KAT2B: variants seen among roughly 807,000 people sequenced by gnomAD.
KAT2B encodes the protein histone acetyltransferase KAT2B.
Under a neutral mutation model 105.9 loss-of-function variants are expected in KAT2B, and 36 were observed. The ratio of observed to expected loss-of-function variants is 0.34; its 90% CI spans 0.26 to 0.45. KAT2B has a LOEUF of 0.45. KAT2B is among the 20% of genes least tolerant of loss of function. The pLI is 1.00. For synonymous variants in KAT2B, 397 were observed against 377.9 expected (o/e 1.05, Z -0.59); for missense variants, 820 against 1,021.6 (o/e 0.80, Z 2.69).
chr3:20,126,531 C>CA (rs1699407573), intron 10 of KAT2B, among the ~76,000 whole-genome samples: 1 of 145,306 alleles, frequency 6.9e-6, no homozygotes, highest in African/African-American at 2.5e-5. Flanking sequence ...AAAAAAAAAA[C>CA]AAAAAACTAG....
At chr3:20,116,129 A>G (rs1699203280) in intron 7 of KAT2B, among the ~76,000 whole-genome samples, 3 of 151,888 alleles carry the variant, frequency 2.0e-5, no homozygotes, top group Admixed American at 1.3e-4. Context: ...TCTCTGGTCC[A>G]AAACCTGTAG....
chr3:20,143,397 G>A lies in KAT2B; in HGVS notation c.2005-2919G>A, dbSNP rs542654377. Among the ~76,000 whole-genome samples, 4 of 152,236 alleles carry A rather than the reference G, an allele frequency of 2.6e-5. No homozygotes were observed. The East Asian group carries it at 7.7e-4, about 29-fold the overall frequency. On this transcript the variant is annotated intron_variant, in intron 13 of 17. Coordinates refer to ENST00000263754, the MANE Select transcript of KAT2B (RefSeq NM_003884.5). ...TAAAAAAATAACAGATGTTGGCAAAGCTGTGGAGAAAAGGGAATGCTTATA... is the reference window on the plus strand; with the variant it reads ...TAAAAAAATAACAGATGTTGGCAAAACTGTGGAGAAAAGGGAATGCTTATA...
At chr3:20,095,169 G>T in intron 2 of KAT2B, 94 bp from the exon 3 acceptor site, 1 of 1,008,408 alleles carries the variant, frequency 9.9e-7, no homozygotes, top group Non-Finnish European at 1.5e-6. Context: ...AGGATTGATG[G>T]TAAGACTGAT....
In KAT2B at chr3:20,136,989, G is replaced by A. The variant is rs141010149; in HGVS notation, c.1797G>A (p.Lys599=). The A allele has an allele frequency of 7.3e-5, 117 of 1,611,356 alleles. No individual in the cohort carries two copies. The African/African-American group carries it at 1.4e-3, about 19-fold the overall frequency. The change falls in exon 12 of 18, where the codon AAG becomes AAA. Residue 599 remains lysine, a synonymous_variant. Transcript: ENST00000263754. ...LMNHLKEYHI[K]HDILNFLTYA... ...ATCATTTGAAAGAATATCACATAAA[G>A]CATGACATCCTGAACTTCCTCACAT...
intron 8 of KAT2B, among the ~76,000 whole-genome samples, chr3:20,120,483 C>T (rs1182801630): frequency 2.6e-5 from 4 of 152,166 alleles, no homozygotes; most frequent in Admixed American, 1.3e-4. Context: ...CTGTCTCGGC[C>T]TCCCAAAGTG....
At chr3:20,071,795 C>T (rs1317421518) in intron 1 of KAT2B, among the ~76,000 whole-genome samples, 1 of 152,196 alleles carries the variant, frequency 6.6e-6, no homozygotes, top group African/African-American at 2.4e-5. Context: ...TGGGAGCTCA[C>T]AGAAGTCTTG....
intron 9 of KAT2B, among the ~76,000 whole-genome samples, chr3:20,123,258 T>C (rs1197250769): frequency 6.6e-6 from 1 of 152,178 alleles, no homozygotes; most frequent in Non-Finnish European, 1.5e-5. Flanking sequence ...ACACATGTCA[T>C]AATACTTCAC....
intron 11 of KAT2B, among the ~76,000 whole-genome samples, chr3:20,127,891 G>C (rs1699433926): frequency 2.6e-5 from 4 of 152,210 alleles, no homozygotes; most frequent in Admixed American, 2.6e-4. Context: ...ACTCCTATGA[G>C]AGTCTAGTGC....
chr3:20,086,627 T>C (rs1698620626), intron 2 of KAT2B, among the ~76,000 whole-genome samples: 1 of 152,076 alleles, frequency 6.6e-6, no homozygotes, highest in African/African-American at 2.4e-5. Flanking sequence ...ACAAAAATGC[T>C]GTATTGGGGT....
chr3:20,042,071 C>T (rs1240569803), intron 1 of KAT2B, among the ~76,000 whole-genome samples: 1 of 152,142 alleles, frequency 6.6e-6, no homozygotes, highest in Non-Finnish European at 1.5e-5. Flanking sequence ...CTTTAATGTG[C>T]ATGGGAATCT....
chr3:20,146,231 A>G (rs1327848308), intron 13 of KAT2B, 85 bp from the exon 14 acceptor site: 4 of 769,118 alleles, frequency 5.2e-6, no homozygotes, highest in African/African-American at 3.5e-5. Flanking sequence ...CTGTTTTGTT[A>G]GGAAAACATT....
At chr3:20,062,075 T>TATAATATATATTATATATAAAAC (rs1698123978) in intron 1 of KAT2B, among the ~76,000 whole-genome samples, 1 of 100,020 alleles carries the variant, frequency 1.0e-5, no homozygotes, top group Non-Finnish European at 1.8e-5. Context: ...ATATAAAACA[T>TATAATATATATTATATATAAAAC]ATAATATATA....
At chr3:20,131,841 G>T (rs1259311496) in intron 11 of KAT2B, among the ~76,000 whole-genome samples, 1 of 152,178 alleles carries the variant, frequency 6.6e-6, no homozygotes, top group Non-Finnish European at 1.5e-5. Flanking sequence ...TGAGATTATA[G>T]GCGTGAGCCA....
At chr3:20,116,746 C>T (rs1311367627) in intron 7 of KAT2B, among the ~76,000 whole-genome samples, 2 of 152,102 alleles carry the variant, frequency 1.3e-5, no homozygotes, top group African/African-American at 2.4e-5. Context: ...TCCTTGGTAT[C>T]TAAGCCTTTT....
chr3:20,136,917 T>C (rs761822849), intron 11 of KAT2B, 25 bp from the exon 12 acceptor site: 7 of 1,296,162 alleles, frequency 5.4e-6, no homozygotes, highest in Non-Finnish European at 7.8e-6. Context: ...CTAATGTATT[T>C]GTTTGTATAC....
intron 12 of KAT2B, among the ~76,000 whole-genome samples, chr3:20,137,304 C>A (rs1699619093): frequency 1.3e-5 from 2 of 152,262 alleles, no homozygotes; most frequent in Non-Finnish European, 1.5e-5. Flanking sequence ...ATATTGCATC[C>A]TAACATTCTA....
chr3:20,109,708 G>A (rs989786822), intron 5 of KAT2B, among the ~76,000 whole-genome samples: 19 of 152,062 alleles, frequency 1.2e-4, no homozygotes, highest in Non-Finnish European at 1.9e-4. Context: ...TCTATATGAA[G>A]CACCTTATGA....
intron 5 of KAT2B, 70 bp downstream of exon 5, chr3:20,101,538 C>T (rs1698910788): frequency 8.0e-7 from 1 of 1,251,624 alleles, no homozygotes; most frequent in Admixed American, 1.8e-5. Flanking sequence ...GTACTTGACT[C>T]TATAAGTATA....
intron 8 of KAT2B, among the ~76,000 whole-genome samples, chr3:20,120,026 G>C (rs1427644120): frequency 6.6e-6 from 1 of 152,080 alleles, no homozygotes; most frequent in Non-Finnish European, 1.5e-5. Context: ...TATAATCTCT[G>C]TTTTGGGCTT....
Sources: allele counts gnomAD v4.1 joint callset (sites outside exome capture counted in the v4.1 genomes callset), GRCh38; gene constraint gnomAD v4.1.1; transcripts MANE v1.5; gene names NCBI Gene and HGNC (gene_info 2026-07-23, HGNC 2026-07-21).